Variants in CHRM2 observed in about 807,000 individuals in gnomAD.
The protein encoded by CHRM2 is cholinergic receptor muscarinic 2, also known as muscarinic acetylcholine receptor M2.
Under a neutral mutation model 25.0 loss-of-function variants are expected in CHRM2, and 8 were observed. The ratio of observed to expected loss-of-function variants is 0.32; its 90% confidence interval spans 0.19 to 0.58. The LOEUF is 0.58. Among genes scored for constraint, CHRM2 ranks in the 20% least tolerant of loss-of-function variants. The probability of loss-of-function intolerance (pLI) is 0.88; values close to 1 mark genes in which losing one functional copy is unlikely to be tolerated. For missense variants in CHRM2, 440 were observed against 567.1 expected, an observed-to-expected ratio of 0.78 and a Z score of 2.28; for synonymous variants, 202 against 205.7, an observed-to-expected ratio of 0.98 and a Z score of 0.15.
chr7:136,952,398 ATCT>A (rs1457715712), intron 2 of CHRM2, among the ~76,000 whole-genome samples: 2 of 152,044 alleles, frequency 1.3e-5, no homozygotes, highest in African/African-American at 4.8e-5. Flanking sequence ...CGTATCGAAG[ATCT>A]TATTATCCAG....
At chr7:136,971,468 T>A (rs891784591) in intron 2 of CHRM2, among the ~76,000 whole-genome samples, 7 of 151,850 alleles carry the variant, frequency 4.6e-5, no homozygotes, top group African/African-American at 1.7e-4. Context: ...ATACAAAAAA[T>A]TAGCCAGGTG....
intron 2 of CHRM2, among the ~76,000 whole-genome samples, chr7:136,929,191 C>A (rs1194596337): frequency 2.0e-5 from 3 of 152,064 alleles, no homozygotes; most frequent in East Asian, 3.9e-4. Context: ...ATTGAATTAG[C>A]CAAACATCTT....
intron 2 of CHRM2, among the ~76,000 whole-genome samples, chr7:136,937,817 T>C (rs1207575478): frequency 6.6e-6 from 1 of 152,182 alleles, no homozygotes; most frequent in Non-Finnish European, 1.5e-5. Flanking sequence ...ACGTGACCAT[T>C]ACATATCACT....
At chr7:136,928,171 C>A (rs543585578) in intron 2 of CHRM2, among the ~76,000 whole-genome samples, 1 of 152,174 alleles carries the variant, frequency 6.6e-6, no homozygotes, top group South Asian at 2.1e-4. Flanking sequence ...TGGAGAATCA[C>A]AAGAGTAAGA....
chr7:136,936,576 C>T (rs1799424241), intron 2 of CHRM2, among the ~76,000 whole-genome samples: 1 of 151,422 alleles, frequency 6.6e-6, no homozygotes, highest in African/African-American at 2.4e-5. Context: ...AGATCCAACT[C>T]CATGTTTGAG....
chr7:137,005,289 TTCTC>T (rs996721274), intron 3 of CHRM2, among the ~76,000 whole-genome samples: 1 of 152,110 alleles, frequency 6.6e-6, no homozygotes, highest in Non-Finnish European at 1.5e-5. Context: ...AAGAGCAACT[TTCTC>T]TTTCTCTCCA....
intron 2 of CHRM2, among the ~76,000 whole-genome samples, chr7:136,968,485 A>G (rs1438901043): frequency 6.6e-6 from 1 of 151,902 alleles, no homozygotes; most frequent in Non-Finnish European, 1.5e-5. Context: ...TCAAAAAACT[A>G]AAAATGCAAT....
chr7:136,920,464 T>C (rs937184357), intron 2 of CHRM2, among the ~76,000 whole-genome samples: 3 of 152,104 alleles, frequency 2.0e-5, no homozygotes, highest in Non-Finnish European at 4.4e-5. Context: ...CAGCTCTGCA[T>C]TGTGAATTTA....
At chr7:136,973,668 T>C (rs324611) in intron 2 of CHRM2, among the ~76,000 whole-genome samples, 4,229 of 13,928 alleles carry the variant, frequency 0.3, 1,273 homozygotes, top group South Asian at 0.47. Context: ...TAGGTGATGA[T>C]GGTGATGGTG....
chr7:137,014,876 C>T lies in CHRM2; in HGVS notation c.11C>T (p.Ser4Leu). Residue 4 changes from serine to leucine, a missense_variant, in exon 4 of 4, where the codon TCA (serine) becomes TTA (leucine). Ser to Leu is a moderately radical substitution (Grantham distance 145). Coordinates refer to ENST00000680005, the MANE Select transcript of CHRM2 (RefSeq NM_001006630.2). ...ATTAGAGAACGCAAAATGAATAACT[C>T]AACAAACTCCTCTAACAATAGCCTG... is the stretch of plus-strand genomic sequence containing the variant. MNN[S>L]TNSSNNSLAL... The T allele has an allele frequency of 6.2e-7, 1 of 1,612,948 alleles. No homozygotes were observed. Among genetic ancestry groups the T allele is most frequent in the East Asian group, 2.2e-5 (1 of 44,718 alleles).
intron 2 of CHRM2, among the ~76,000 whole-genome samples, chr7:136,961,106 C>T (rs1190870144): frequency 3.3e-5 from 5 of 151,674 alleles, no homozygotes; most frequent in African/African-American, 9.7e-5. Flanking sequence ...GCCTGGACGA[C>T]AGAGCTAGAC....
chr7:136,986,331 T>A (rs1802852137), intron 2 of CHRM2, among the ~76,000 whole-genome samples: 1 of 152,184 alleles, frequency 6.6e-6, no homozygotes. Flanking sequence ...GATTAAATTA[T>A]CTATATTAGT....
chr7:136,885,634 C>G (rs920103261), intron 2 of CHRM2, among the ~76,000 whole-genome samples: 3 of 152,186 alleles, frequency 2.0e-5, no homozygotes, highest in Non-Finnish European at 4.4e-5. Flanking sequence ...AGGTACTATA[C>G]TAGACATCTA....
At position 137,015,144 on chromosome 7, in the gene CHRM2, T is replaced by G. The variant is rs1805087474; in HGVS notation, c.279T>G (p.Pro93=). 1 of 1,613,464 alleles carries G rather than the reference T, an allele frequency of 6.2e-7. No individual in the cohort carries two copies. Among genetic ancestry groups the G allele is most frequent in the Non-Finnish European group, 8.5e-7 (1 of 1,179,658 alleles). ...TGATTGGTTACTGGCCTTTGGGACC[T>G]GTGGTGTGTGACCTTTGGCTAGCCC... is the stretch of plus-strand genomic sequence containing the variant. ...YTVIGYWPLG[P]VVCDLWLALD... The change falls in exon 4 of 4, where the codon CCT becomes CCG. Residue 93 remains proline (P), a synonymous_variant. Coordinates refer to ENST00000680005, the MANE Select transcript of CHRM2 (RefSeq NM_001006630.2). The surrounding 1 kb of genome is among the most constrained non-coding windows in gnomAD (Gnocchi z 5.1).
At position 136,958,726 on chromosome 7, in the gene CHRM2, G is replaced by C. The variant is rs1217351464; in HGVS notation, c.-124-33461G>C. Among the ~76,000 whole-genome samples the C allele has an allele frequency of 4.6e-5, 7 of 152,042 alleles. No homozygotes were observed. In the East Asian group the frequency reaches 7.7e-4, roughly 17 times the overall value. ...CCTGCCTCAGCCTCCCACAGTGCTG[G>C]GATTACAGGTGTGAGCCACCATGTC... On this transcript the variant is annotated intron_variant, in intron 2 of 3. Coordinates refer to ENST00000680005, the MANE Select transcript of CHRM2 (RefSeq NM_001006630.2).
At chr7:136,983,189 G>A (rs1197454725) in intron 2 of CHRM2, among the ~76,000 whole-genome samples, 1 of 151,528 alleles carries the variant, frequency 6.6e-6, no homozygotes, top group African/African-American at 2.4e-5. Context: ...TTTTTATTAA[G>A]TTGATCTTCA....
At chr7:136,904,766 G>A (rs1797440519) in intron 2 of CHRM2, among the ~76,000 whole-genome samples, 1 of 151,782 alleles carries the variant, frequency 6.6e-6, no homozygotes, top group African/African-American at 2.4e-5. Flanking sequence ...TTAAAATATA[G>A]CCTGGTTAAC....
At chr7:136,899,907 T>A (rs917434996) in intron 2 of CHRM2, 2 of 152,138 alleles carry the variant, frequency 1.3e-5, no homozygotes, top group African/African-American at 4.8e-5. Context: ...AAAAAGCTTG[T>A]TTCATGCAAA....
chr7:136,950,696 C>CA (rs1217312637), intron 2 of CHRM2, among the ~76,000 whole-genome samples: 1 of 152,096 alleles, frequency 6.6e-6, no homozygotes, highest in African/African-American at 2.4e-5. Context: ...GAAGAAGTTG[C>CA]AAAAAGTAGC....
Sources: allele counts gnomAD v4.1 joint callset (sites outside exome capture counted in the v4.1 genomes callset), GRCh38; gene constraint gnomAD v4.1.1; non-coding constraint Gnocchi (gnomAD v3.1); transcripts MANE v1.5; gene names NCBI Gene and HGNC (gene_info 2026-07-23, HGNC 2026-07-21).